NR3C1: variants seen among roughly 807,000 people sequenced by gnomAD.
The protein encoded by NR3C1 is glucocorticoid receptor.
Under a neutral mutation model 74.0 loss-of-function variants are expected in NR3C1, and 14 were observed. The observed-to-expected ratio is 0.19, with a 90% CI of 0.12 to 0.30. The LOEUF (loss-of-function observed/expected upper bound fraction) is 0.30, where lower values mean the gene tolerates loss of function less well. Ranked by LOEUF, NR3C1 falls within the 10% of genes least tolerant of loss-of-function variation. The probability of loss-of-function intolerance (pLI) is 1.00; values close to 1 mark genes in which losing one functional copy is unlikely to be tolerated. For synonymous variants in NR3C1, 308 were observed against 332.5 expected, an observed-to-expected ratio of 0.93 and a Z score of 0.80; for missense variants, 695 against 909.8, an observed-to-expected ratio of 0.76 and a Z score of 3.04.
intron 1 of NR3C1, among the ~76,000 whole-genome samples, chr5:143,410,865 T>A (rs147878197): frequency 6.6e-6 from 1 of 152,186 alleles, no homozygotes; most frequent in East Asian, 1.9e-4. Flanking sequence ...GGCAGGGGAG[T>A]GATAATTCAG....
At chr5:143,412,744 A>G (rs1841335696) in intron 1 of NR3C1, among the ~76,000 whole-genome samples, 1 of 152,184 alleles carries the variant, frequency 6.6e-6, no homozygotes, top group East Asian at 1.9e-4. Flanking sequence ...GGAGTTTAAA[A>G]AATAGTAAAT....
intron 2 of NR3C1, among the ~76,000 whole-genome samples, chr5:143,355,142 G>A (rs938378308): frequency 3.9e-5 from 6 of 151,964 alleles, no homozygotes; most frequent in Middle Eastern, 3.2e-3. Context: ...AAATAAACAC[G>A]CAATATTTGG....
At chr5:143,285,966 TGATTAA>T (rs1562700847) in intron 7 of NR3C1, among the ~76,000 whole-genome samples, 2 of 106,658 alleles carry the variant, frequency 1.9e-5, no homozygotes, top group Non-Finnish European at 4.4e-5. Context: ...TTAGCCAGAC[TGATTAA>T]AAAAAAAAAA....
At chr5:143,418,995 AAT>A (rs1751068689) in intron 1 of NR3C1, among the ~76,000 whole-genome samples, 1 of 152,208 alleles carries the variant, frequency 6.6e-6, no homozygotes, top group South Asian at 2.1e-4. Context: ...CTATAGGTCA[AAT>A]ATCCCTAATC....
At chr5:143,314,816 C>T (rs1160417108) in intron 2 of NR3C1, among the ~76,000 whole-genome samples, 1 of 152,140 alleles carries the variant, frequency 6.6e-6, no homozygotes, top group East Asian at 1.9e-4. Context: ...TCAGAGAAGA[C>T]TGATCCAGAA....
chr5:143,295,642 C>G (rs763256513), intron 6 of NR3C1, 52 bp from the exon 7 acceptor site: 7 of 1,481,368 alleles, frequency 4.7e-6, no homozygotes, highest in Non-Finnish European at 6.6e-6. Context: ...TACTTCCCCC[C>G]AAAAAGCACA....
intron 2 of NR3C1, among the ~76,000 whole-genome samples, chr5:143,374,742 G>A (rs1834866584): frequency 6.6e-6 from 1 of 152,150 alleles, no homozygotes; most frequent in Non-Finnish European, 1.5e-5. Flanking sequence ...CACCTTGCCA[G>A]GCTCCAGGCT....
intron 1 of NR3C1, among the ~76,000 whole-genome samples, chr5:143,426,747 T>G (rs1233458577): frequency 6.6e-6 from 1 of 152,236 alleles, no homozygotes; most frequent in Non-Finnish European, 1.5e-5. Flanking sequence ...TCCTGTCTCA[T>G]AGGTACAAAT....
chr5:143,376,397 T>C (rs184768124), intron 2 of NR3C1, among the ~76,000 whole-genome samples: 12 of 152,332 alleles, frequency 7.9e-5, no homozygotes, highest in Admixed American at 7.8e-4. Context: ...ACATGATTCT[T>C]TCCATGACAC....
chr5:143,368,185 T>C (rs1184597741), intron 2 of NR3C1, among the ~76,000 whole-genome samples: 1 of 152,148 alleles, frequency 6.6e-6, no homozygotes, highest in Non-Finnish European at 1.5e-5. Context: ...CTAGGTATCA[T>C]TACACAAAAG....
At chr5:143,379,658 T>G (rs375206469) in intron 2 of NR3C1, among the ~76,000 whole-genome samples, 203 of 152,282 alleles carry the variant, frequency 1.3e-3, no homozygotes, top group African/African-American at 4.6e-3. Flanking sequence ...TAGAATGTGG[T>G]AGAAATATAG....
intron 7 of NR3C1, 141 bp from the exon 8 acceptor site, chr5:143,282,866 ACCT>A (rs1813443225): frequency 1.2e-6 from 1 of 838,894 alleles, no homozygotes; most frequent in Admixed American, 2.8e-5. Flanking sequence ...TGGAGCCTTG[ACCT>A]CCTTGGCTCA....
chr5:143,383,756 G>T (rs1244492238), intron 2 of NR3C1, among the ~76,000 whole-genome samples: 2 of 152,184 alleles, frequency 1.3e-5, no homozygotes, highest in Non-Finnish European at 2.9e-5. Flanking sequence ...TAGGACTCAT[G>T]GCAAGGAATT....
intron 2 of NR3C1, among the ~76,000 whole-genome samples, chr5:143,337,088 G>A (rs990398861): frequency 1.3e-5 from 2 of 152,042 alleles, no homozygotes; most frequent in African/African-American, 4.8e-5. Context: ...AAATGATAAA[G>A]AATTAGGCTA....
chr5:143,326,637 T>C (rs1260930975), intron 2 of NR3C1, among the ~76,000 whole-genome samples: 1 of 152,194 alleles, frequency 6.6e-6, no homozygotes, highest in Non-Finnish European at 1.5e-5. Context: ...ACTAATGTAT[T>C]CAACCCTGGA....
chr5:143,432,952 C>A (rs1233704579), intron 1 of NR3C1, among the ~76,000 whole-genome samples: 1 of 152,150 alleles, frequency 6.6e-6, no homozygotes, highest in African/African-American at 2.4e-5. Context: ...GCTCTAATGG[C>A]AGAAAAGTGA....
chr5:143,424,658 CAAAT>C (rs1357353512), intron 1 of NR3C1, among the ~76,000 whole-genome samples: 3 of 151,898 alleles, frequency 2.0e-5, no homozygotes, highest in Non-Finnish European at 4.4e-5. Context: ...GACACATAAA[CAAAT>C]AAAGATATGT....
rs560815157 is a variant in NR3C1 at position 143,303,620 on chromosome 5, AAAC to A, written c.1469-2860_1469-2858del. Reference sequence around the variant, plus strand: ...ATTCTAATACCAAAACCTGGTAGAGAAACAACAACAACAACAAAACTACAGGCC... The same window carrying A: ...ATTCTAATACCAAAACCTGGTAGAGAAACAACAACAACAAAACTACAGGCC... On this transcript the variant is annotated intron_variant, in intron 4 of 8. Transcript: ENST00000394464. 6.6e-3 allele frequency among the ~76,000 whole-genome samples: 1,009 copies of A among 152,088 alleles called. 5 individuals are homozygous for A. Among genetic ancestry groups the A allele is most frequent in the Non-Finnish European group, 0.012 (795 of 67,922 alleles).
chr5:143,356,537 T>C (rs1320402236), intron 2 of NR3C1, among the ~76,000 whole-genome samples: 2 of 152,178 alleles, frequency 1.3e-5, no homozygotes, highest in South Asian at 2.1e-4. Flanking sequence ...CCCTCAGAGC[T>C]AGTCTGGACT....
Sources: gnomAD v4.1 joint callset for allele counts (sites outside exome capture counted in the v4.1 genomes callset) on GRCh38, gnomAD v4.1.1 for gene constraint, MANE v1.5 for transcripts, NCBI Gene and HGNC (gene_info 2026-07-23, HGNC 2026-07-21) for gene names.